NEMP2: variants seen among roughly 807,000 people sequenced by gnomAD.
NEMP2 encodes nuclear envelope integral membrane protein 2.
A neutral mutation model predicts 54.2 loss-of-function variants in NEMP2; 53 were observed. That is an observed-to-expected ratio of 0.98 (90% confidence interval 0.78 to 1.23). The LOEUF (loss-of-function observed/expected upper bound fraction) is 1.23. Ranked by LOEUF, NEMP2 falls within the 50% of genes most tolerant of loss-of-function variation. NEMP2 has a pLI of 0.00. For synonymous variants in NEMP2, 197 were observed against 190.3 expected (o/e 1.04, Z -0.29); for missense variants, 455 against 511.3 (o/e 0.89, Z 1.06).
the NEMP2 span, among the ~76,000 whole-genome samples, chr2:190,598,008 A>C: frequency 6.6e-6 from 1 of 152,102 alleles, no homozygotes; most frequent in African/African-American, 2.4e-5. Flanking sequence ...AACTATTGAT[A>C]TTTGGGGACA....
intron 1 of NEMP2, chr2:190,534,165 C>T (rs1345799909): frequency 3.0e-6 from 3 of 1,013,922 alleles, no homozygotes; most frequent in Non-Finnish European, 3.5e-6. Context: ...AGGATTTCAA[C>T]ACGCATTGAT....
the NEMP2 span, chr2:190,489,980 A>C: frequency 1.2e-6 from 1 of 807,362 alleles, no homozygotes; most frequent in Non-Finnish European, 1.9e-6. This position sits in a 1 kb window ranked among gnomAD's most constrained non-coding sequence, Gnocchi z 6.6. Context: ...TGTTTGGCTC[A>C]ATTTTCTGAG....
the NEMP2 span, chr2:190,488,777 G>T: frequency 6.2e-7 from 1 of 1,606,000 alleles, no homozygotes. The surrounding 1 kb of genome is among the most constrained non-coding windows in gnomAD (Gnocchi z 6.4). Context: ...TTGGGAAGAG[G>T]ATGTGGTGCC....
rs370090435 is a variant in NEMP2 at position 190,513,376 on chromosome 2, C to T, written c.953+1077G>A. 3.3e-5 allele frequency among the ~76,000 whole-genome samples: 5 copies of T among 152,174 alleles called. No individual in the cohort carries two copies. Among genetic ancestry groups the T allele is most frequent in the Non-Finnish European group, 5.9e-5 (4 of 68,038 alleles). ...AGCTCAAGCTGAGTGGTAACAGCCC[C>T]GTTTTCAATGAGGTTGCTTTGTAGA... is the stretch of plus-strand genomic sequence containing the variant. On this transcript the variant is annotated intron_variant, in intron 7 of 8. Coordinates refer to ENST00000409150, the MANE Select transcript of NEMP2 (RefSeq NM_001142645.2). The surrounding 1 kb of genome is among the most constrained non-coding windows in gnomAD (Gnocchi z 5.3).
At chr2:190,565,520 A>T in the NEMP2 span, among the ~76,000 whole-genome samples, 1 of 152,212 alleles carries the variant, frequency 6.6e-6, no homozygotes, top group African/African-American at 2.4e-5. Flanking sequence ...CCTTGGGACC[A>T]ATATCTGTGG....
the NEMP2 span, among the ~76,000 whole-genome samples, chr2:190,584,560 T>A: frequency 1.3e-5 from 2 of 152,076 alleles, no homozygotes; most frequent in Non-Finnish European, 2.9e-5. The surrounding 1 kb of genome is among the most constrained non-coding windows in gnomAD (Gnocchi z 4.2). Flanking sequence ...GAGAAAGACT[T>A]TTACACAATT....
the NEMP2 span, among the ~76,000 whole-genome samples, chr2:190,488,261 A>C: frequency 2.6e-5 from 4 of 152,240 alleles, no homozygotes. The surrounding 1 kb of genome is among the most constrained non-coding windows in gnomAD (Gnocchi z 6.4). Flanking sequence ...AGCAGCATTA[A>C]TCAAAGTAGC....
At chr2:190,617,372 T>C in the NEMP2 span, among the ~76,000 whole-genome samples, 3 of 152,176 alleles carry the variant, frequency 2.0e-5, no homozygotes, top group East Asian at 3.8e-4. This position sits in a 1 kb window ranked among gnomAD's most constrained non-coding sequence, Gnocchi z 5.0. Context: ...TATTTGGAAA[T>C]GCTTTAGGAC....
chr2:190,557,787 C>A, the NEMP2 span, among the ~76,000 whole-genome samples: 1 of 152,208 alleles, frequency 6.6e-6, no homozygotes, highest in Non-Finnish European at 1.5e-5. Context: ...CATCTCACGC[C>A]AGTTAGAATG....
the NEMP2 span, among the ~76,000 whole-genome samples, chr2:190,491,808 A>AAACG: frequency 6.6e-6 from 1 of 152,202 alleles, no homozygotes; most frequent in African/African-American, 2.4e-5. The surrounding 1 kb of genome is among the most constrained non-coding windows in gnomAD (Gnocchi z 4.2). Flanking sequence ...AACCAAGAAG[A>AAACG]AATCTCTGAC....
At chr2:190,561,054 G>A in the NEMP2 span, among the ~76,000 whole-genome samples, 2 of 152,144 alleles carry the variant, frequency 1.3e-5, no homozygotes, top group Admixed American at 1.3e-4. The surrounding 1 kb of genome is among the most constrained non-coding windows in gnomAD (Gnocchi z 5.4). Flanking sequence ...CTTCCTCGAG[G>A]ACTAGGAGAG....
At chr2:190,553,919 T>C in the NEMP2 span, among the ~76,000 whole-genome samples, 14 of 152,304 alleles carry the variant, frequency 9.2e-5, no homozygotes, top group East Asian at 9.7e-4. Context: ...TCCAGTGAGA[T>C]CAATGCAGAA....
At chr2:190,444,926 A>T in the NEMP2 span, 1 of 788,802 alleles carries the variant, frequency 1.3e-6, no homozygotes, top group African/African-American at 1.9e-5. Flanking sequence ...TGCACTATGT[A>T]TCTTGGTAAA....
the NEMP2 span, among the ~76,000 whole-genome samples, chr2:190,422,029 G>A: frequency 1.3e-5 from 2 of 152,130 alleles, no homozygotes; most frequent in South Asian, 4.2e-4. Flanking sequence ...ATTTTGGTTA[G>A]TTCAGTATTC....
the NEMP2 span, among the ~76,000 whole-genome samples, chr2:190,568,900 A>T: frequency 6.6e-6 from 1 of 152,230 alleles, no homozygotes; most frequent in African/African-American, 2.4e-5. The surrounding 1 kb of genome is among the most constrained non-coding windows in gnomAD (Gnocchi z 4.7). Context: ...TATTGAAAGA[A>T]TAAGAAGAGA....
chr2:190,546,012 G>A, the NEMP2 span, among the ~76,000 whole-genome samples: 3 of 152,108 alleles, frequency 2.0e-5, no homozygotes, highest in African/African-American at 7.2e-5. This position sits in a 1 kb window ranked among gnomAD's most constrained non-coding sequence, Gnocchi z 5.1. Flanking sequence ...GATACTCCTA[G>A]TATTTTATTT....
In NEMP2 at chr2:190,525,162, TC is replaced by T. The variant is rs1204830742; in HGVS notation, c.213+100del. 1.5e-6 allele frequency: 1 copy of T among 668,900 alleles called. No homozygotes were observed. Among genetic ancestry groups the T allele is most frequent in the African/African-American group, 1.8e-5 (1 of 55,142 alleles). The allele number at this position is 668,900 out of a possible 1,614,324, so 41.4% of individuals were successfully genotyped here. A position where few individuals can be genotyped will look rare whatever the true frequency, so the allele number is the denominator to read the frequency against. On this transcript the variant is annotated intron_variant, in intron 2 of 8. Transcript: ENST00000409150. The surrounding 1 kb of genome is among the most constrained non-coding windows in gnomAD (Gnocchi z 5.0). ...TTTCATAGTGATACACAGATCTGTG[TC>T]ATACCAAAAATACTTTCTATTCCTG...
chr2:190,553,801 A>G, the NEMP2 span, among the ~76,000 whole-genome samples: 15 of 152,210 alleles, frequency 9.9e-5, no homozygotes, highest in Non-Finnish European at 1.5e-4. Flanking sequence ...ATCCTGTCCT[A>G]CATCTCCATG....
the NEMP2 span, among the ~76,000 whole-genome samples, chr2:190,490,655 C>A: frequency 0.28 from 42,409 of 152,000 alleles, 6,268 homozygotes; most frequent in South Asian, 0.33. This position sits in a 1 kb window ranked among gnomAD's most constrained non-coding sequence, Gnocchi z 4.5. Flanking sequence ...ATTGTTCTAC[C>A]AAAAGGAGGT....
Sources: allele counts gnomAD v4.1 joint callset (sites outside exome capture counted in the v4.1 genomes callset), GRCh38; gene constraint gnomAD v4.1.1; non-coding constraint Gnocchi (gnomAD v3.1); transcripts MANE v1.5; gene names NCBI Gene and HGNC (gene_info 2026-07-23, HGNC 2026-07-21).